CADM1: variants seen among roughly 807,000 people sequenced by gnomAD.
The protein encoded by CADM1 is cell adhesion molecule 1, also known as TSLC-1.
In CADM1, 15 loss-of-function variants were observed where a neutral mutation model predicts 53.1. The observed-to-expected ratio is 0.28, with a 90% CI of 0.19 to 0.44. CADM1 has a LOEUF of 0.44. Among genes scored for constraint, CADM1 ranks in the 20% least tolerant of loss-of-function variants. CADM1 has a pLI of 1.00. For synonymous variants in CADM1, 281 were observed against 243.0 expected, an observed-to-expected ratio of 1.16 and a Z score of -1.45; for missense variants, 434 against 611.3, an observed-to-expected ratio of 0.71 and a Z score of 3.06.
At chr11:115,298,658 A>T (rs1036384508) in intron 1 of CADM1, among the ~76,000 whole-genome samples, 3 of 152,218 alleles carry the variant, frequency 2.0e-5, no homozygotes, top group Non-Finnish European at 4.4e-5. Flanking sequence ...AAAGAGTTGG[A>T]AAGATGCAAC....
chr11:115,353,589 T>C (rs146704987), intron 1 of CADM1, among the ~76,000 whole-genome samples: 227 of 152,288 alleles, frequency 1.5e-3, no homozygotes, highest in African/African-American at 5.1e-3. Context: ...CTTCAATCTT[T>C]AGTGCAGTTG....
intron 1 of CADM1, among the ~76,000 whole-genome samples, chr11:115,400,667 A>G (rs1444063184): frequency 0.042 from 779 of 18,460 alleles, 5 homozygotes; most frequent in African/African-American, 0.087. Context: ...GTGTGTATAT[A>G]TATATATATA....
intron 1 of CADM1, among the ~76,000 whole-genome samples, chr11:115,346,488 C>G (rs1195159230): frequency 6.6e-6 from 1 of 152,200 alleles, no homozygotes; most frequent in Admixed American, 6.5e-5. Context: ...CCCACCTCAG[C>G]CTCTCAAAGT....
chr11:115,330,243 A>G (rs1591714493), intron 1 of CADM1, among the ~76,000 whole-genome samples: 1 of 152,056 alleles, frequency 6.6e-6, no homozygotes, highest in South Asian at 2.1e-4. Flanking sequence ...TTTATCTACT[A>G]TAATTTTCAC....
chr11:115,331,772 A>C (rs1026482960), intron 1 of CADM1, among the ~76,000 whole-genome samples: 2 of 152,208 alleles, frequency 1.3e-5, no homozygotes, highest in African/African-American at 4.8e-5. Context: ...ATAGAAATAA[A>C]GGTATGAAGG....
chr11:115,225,972 TTTAA>T (rs1311903111), intron 5 of CADM1, among the ~76,000 whole-genome samples: 1 of 152,114 alleles, frequency 6.6e-6, no homozygotes, highest in Non-Finnish European at 1.5e-5. Flanking sequence ...AGTGAGCATA[TTTAA>T]TACCAATAGT....
Position 115,174,631 on chromosome 11 carries a change from T to A in CADM1, c.*1843A>T, listed in dbSNP as rs888216105. 1.0e-6 allele frequency: 1 copy of A among 984,108 alleles called. No individual in the cohort carries two copies. Among genetic ancestry groups the A allele is most frequent in the African/African-American group, 1.7e-5 (1 of 57,158 alleles). 61.0% of individuals were successfully genotyped at this position (984,108 alleles called of 1,614,324 possible). ...AACATGTTTTCAAATAACAAAGAGT[T>A]GACACTTTTTCCCCCTTAAATAAAT... On this transcript the variant is annotated 3_prime_UTR_variant, in exon 12 of 12. Coordinates refer to ENST00000331581, the MANE Select transcript of CADM1 (RefSeq NM_001301043.2).
chr11:115,183,088 C>A (rs4938184), intron 10 of CADM1, among the ~76,000 whole-genome samples: 1 of 152,018 alleles, frequency 6.6e-6, no homozygotes, highest in Non-Finnish European at 1.5e-5. Flanking sequence ...TGACCTGGCC[C>A]GATCCATTCC....
intron 1 of CADM1, among the ~76,000 whole-genome samples, chr11:115,279,289 G>A (rs1303051848): frequency 1.3e-5 from 2 of 152,098 alleles, no homozygotes; most frequent in East Asian, 3.9e-4. Flanking sequence ...TATAGTCAAT[G>A]CCTACCAATG....
intron 10 of CADM1, among the ~76,000 whole-genome samples, chr11:115,180,300 T>C (rs373515709): frequency 8.5e-5 from 13 of 152,314 alleles, no homozygotes; most frequent in African/African-American, 3.1e-4. Flanking sequence ...TTAAAGTGTT[T>C]CATTAAGTTA....
chr11:115,309,690 C>T (rs1944480192), intron 1 of CADM1, among the ~76,000 whole-genome samples: 1 of 152,112 alleles, frequency 6.6e-6, no homozygotes, highest in African/African-American at 2.4e-5. Flanking sequence ...AAAGGGCCAG[C>T]CGTGAGATGT....
chr11:115,334,397 G>C (rs983966978), intron 1 of CADM1, among the ~76,000 whole-genome samples: 17 of 152,036 alleles, frequency 1.1e-4, no homozygotes, highest in African/African-American at 4.1e-4. Context: ...CTTATCTGTA[G>C]TTTTACTTTC....
At chr11:115,222,482 CA>C (rs1242969767) in intron 5 of CADM1, among the ~76,000 whole-genome samples, 24 of 152,278 alleles carry the variant, frequency 1.6e-4, no homozygotes, top group African/African-American at 5.8e-4. Context: ...TTAAAGAGAA[CA>C]TCTTGCAAAA....
intron 1 of CADM1, among the ~76,000 whole-genome samples, chr11:115,433,296 T>C (rs947527819): frequency 6.6e-6 from 1 of 152,326 alleles, no homozygotes; most frequent in African/African-American, 2.4e-5. Flanking sequence ...AAAATGCCAA[T>C]AACTGAAATG....
At chr11:115,197,894 AAAG>A (rs1357393031) in intron 9 of CADM1, among the ~76,000 whole-genome samples, 3 of 152,166 alleles carry the variant, frequency 2.0e-5, no homozygotes, top group African/African-American at 7.2e-5. Flanking sequence ...TGACCTTTCT[AAAG>A]AAGAACAATG....
intron 1 of CADM1, among the ~76,000 whole-genome samples, chr11:115,393,827 T>C (rs933844679): frequency 1.3e-5 from 2 of 152,200 alleles, no homozygotes; most frequent in Admixed American, 1.3e-4. Context: ...GTCCTTACCA[T>C]GAATATAAAC....
intron 1 of CADM1, among the ~76,000 whole-genome samples, chr11:115,356,845 G>C (rs1305946548): frequency 6.6e-6 from 1 of 151,980 alleles, no homozygotes; most frequent in Non-Finnish European, 1.5e-5. Flanking sequence ...AACACCAATT[G>C]CCTGAAGAAA....
At chr11:115,343,319 G>A (rs1945496252) in intron 1 of CADM1, among the ~76,000 whole-genome samples, 1 of 152,118 alleles carries the variant, frequency 6.6e-6, no homozygotes, top group Non-Finnish European at 1.5e-5. Context: ...ACTGTTCTAA[G>A]TACTTTACAT....
intron 1 of CADM1, among the ~76,000 whole-genome samples, chr11:115,459,785 G>C (rs548754292): frequency 8.5e-5 from 13 of 152,250 alleles, no homozygotes; most frequent in South Asian, 2.1e-4. Context: ...GACCATATGT[G>C]CATATGGTTT....
Sources: gnomAD v4.1 joint callset for allele counts (sites outside exome capture counted in the v4.1 genomes callset) on GRCh38, gnomAD v4.1.1 for gene constraint, MANE v1.5 for transcripts, NCBI Gene and HGNC (gene_info 2026-07-23, HGNC 2026-07-21) for gene names.